The following ZNF503 variants were observed in gnomAD, a reference collection of about 807,000 sequenced individuals.
ZNF503 encodes the protein NocA-like zinc finger 2.
In ZNF503, 15 loss-of-function variants were observed where a neutral mutation model predicts 34.4. The observed-to-expected ratio is 0.44, with a 90% CI of 0.29 to 0.67. The LOEUF is 0.67. Ranked by LOEUF, ZNF503 falls within the 30% of genes least tolerant of loss-of-function variation. The pLI is 0.13. For synonymous variants in ZNF503, 580 were observed against 456.8 expected (o/e 1.27, Z -3.44); for missense variants, 1,007 against 926.8 (o/e 1.09, Z -1.12).
the ZNF503 span, among the ~76,000 whole-genome samples, chr10:75,342,576 C>A: frequency 6.6e-6 from 1 of 151,048 alleles, no homozygotes; most frequent in Non-Finnish European, 1.5e-5. Flanking sequence ...GTGACCACAG[C>A]CAAGGAGGAT....
At chr10:75,370,775 T>C in the ZNF503 span, among the ~76,000 whole-genome samples, 1 of 33,938 alleles carries the variant, frequency 2.9e-5, no homozygotes, top group African/African-American at 1.2e-4. Flanking sequence ...AGAGGCTCCA[T>C]CTCAAAAAAA....
chr10:75,335,231 AAAGTGCCCAGAAC>A, the ZNF503 span, among the ~76,000 whole-genome samples: 1 of 152,194 alleles, frequency 6.6e-6, no homozygotes, highest in Non-Finnish European at 1.5e-5. Flanking sequence ...TAAACTTAGA[AAAGTGCCCAGAAC>A]ACTGAGATGC....
chr10:75,314,874 G>A, the ZNF503 span, among the ~76,000 whole-genome samples: 36 of 152,124 alleles, frequency 2.4e-4, no homozygotes, highest in Admixed American at 2.4e-3. Flanking sequence ...TACCAGACCT[G>A]CCTTACAAAA....
At chr10:75,287,849 C>T in the ZNF503 span, among the ~76,000 whole-genome samples, 1 of 152,228 alleles carries the variant, frequency 6.6e-6, no homozygotes. Flanking sequence ...GCAAATTCCT[C>T]AGGAAGGACT....
the ZNF503 span, among the ~76,000 whole-genome samples, chr10:75,387,304 G>A: frequency 6.6e-6 from 1 of 152,198 alleles, no homozygotes; most frequent in Admixed American, 6.5e-5. Context: ...ATTGGCTAGG[G>A]CTTTAGAATG....
Position 75,399,849 on chromosome 10 carries a change from G to C in ZNF503, c.841C>G (p.His281Asp). ...SAEGGPTGLAHGRISCGGGIN... is the reference protein window; with the variant it reads ...SAEGGPTGLADGRISCGGGIN... The stretch of plus-strand genomic sequence containing the variant: ...CCGCCGCCGCAGCTAATCCGGCCGT[G>C]TGCCAGCCCCGTGGGTCCCCCTTCG... The change falls in exon 2 of 2, where the codon CAC becomes GAC. Residue 281 changes from histidine to aspartate, a missense_variant. His to Asp is a moderately conservative substitution (Grantham distance 81). Transcript: ENST00000372524. The C allele has an allele frequency of 6.2e-7, 1 of 1,604,030 alleles. No homozygotes were observed. The highest frequency in any genetic ancestry group is 8.5e-7 in the Non-Finnish European group (1 of 1,176,618).
chr10:75,310,519 T>C, the ZNF503 span, among the ~76,000 whole-genome samples: 3 of 152,136 alleles, frequency 2.0e-5, no homozygotes, highest in Non-Finnish European at 4.4e-5. Flanking sequence ...ACAGAAAACA[T>C]AGGGCTCCAC....
chr10:75,394,970 T>C (rs936160919), downstream of ZNF503, among the ~76,000 whole-genome samples: 2 of 151,992 alleles, frequency 1.3e-5, no homozygotes, highest in Non-Finnish European at 2.9e-5. Flanking sequence ...GGGGATAAGA[T>C]TGGATGGTGG....
chr10:75,312,808 G>A, the ZNF503 span, among the ~76,000 whole-genome samples: 1 of 152,262 alleles, frequency 6.6e-6, no homozygotes, highest in East Asian at 1.9e-4. Context: ...TGGTGATATG[G>A]TTTGGCTCTG....
At chr10:75,327,986 C>G in the ZNF503 span, among the ~76,000 whole-genome samples, 1 of 151,888 alleles carries the variant, frequency 6.6e-6, no homozygotes, top group Non-Finnish European at 1.5e-5. Context: ...GTTTGAGTTC[C>G]TTGTGTATTC....
At chr10:75,365,552 T>C in the ZNF503 span, among the ~76,000 whole-genome samples, 2 of 152,320 alleles carry the variant, frequency 1.3e-5, no homozygotes, top group Admixed American at 6.5e-5. Flanking sequence ...AGAAGAATCA[T>C]GAAAGAAAAC....
chr10:75,374,818 T>A, the ZNF503 span, among the ~76,000 whole-genome samples: 4 of 152,340 alleles, frequency 2.6e-5, no homozygotes, highest in South Asian at 8.3e-4. Context: ...CAGGTGAAAC[T>A]GAACAAAGCA....
chr10:75,327,761 T>TA, the ZNF503 span, among the ~76,000 whole-genome samples: 1 of 152,122 alleles, frequency 6.6e-6, no homozygotes, highest in Non-Finnish European at 1.5e-5. Context: ...CCAGCATTTT[T>TA]AAAAAAATCT....
chr10:75,389,852 G>T, the ZNF503 span, among the ~76,000 whole-genome samples: 1 of 152,132 alleles, frequency 6.6e-6, no homozygotes, highest in Admixed American at 6.5e-5. Flanking sequence ...ATTATTTAAG[G>T]CAAGGTCTGC....
the ZNF503 span, among the ~76,000 whole-genome samples, chr10:75,353,348 G>A: frequency 2.0e-5 from 3 of 152,140 alleles, no homozygotes; most frequent in East Asian, 5.8e-4. Flanking sequence ...TCCAGTGCTG[G>A]CTGAGCGGCC....
chr10:75,355,262 T>G, the ZNF503 span, among the ~76,000 whole-genome samples: 1 of 152,184 alleles, frequency 6.6e-6, no homozygotes, highest in Non-Finnish European at 1.5e-5. Flanking sequence ...TTCCCCTCCT[T>G]AAATCAGAGG....
At chr10:75,357,794 G>T in the ZNF503 span, among the ~76,000 whole-genome samples, 5 of 152,204 alleles carry the variant, frequency 3.3e-5, no homozygotes, top group Admixed American at 2.6e-4. Context: ...ATGATATGCA[G>T]CTAGCAGGCC....
At chr10:75,340,885 G>T in the ZNF503 span, among the ~76,000 whole-genome samples, 1 of 152,182 alleles carries the variant, frequency 6.6e-6, no homozygotes, top group Admixed American at 6.5e-5. Context: ...ACAGGCATGA[G>T]CCTCCATACT....
the ZNF503 span, among the ~76,000 whole-genome samples, chr10:75,340,581 G>C: frequency 6.6e-6 from 1 of 152,084 alleles, no homozygotes; most frequent in African/African-American, 2.4e-5. Context: ...CTATTGAAAA[G>C]GACACTGCTG....
Sources: allele counts gnomAD v4.1 joint callset (sites outside exome capture counted in the v4.1 genomes callset), GRCh38; gene constraint gnomAD v4.1.1; transcripts MANE v1.5; gene names NCBI Gene and HGNC (gene_info 2026-07-23, HGNC 2026-07-21).